The following NLGN1 variants were observed in gnomAD, a reference collection of about 807,000 sequenced individuals.
NLGN1 encodes the protein neuroligin 1.
A neutral mutation model predicts 65.5 loss-of-function variants in NLGN1; 12 were observed. The observed-to-expected ratio is 0.18, with a 90% CI of 0.12 to 0.30. NLGN1 has a LOEUF of 0.30. NLGN1 is among the 10% of genes least tolerant of loss of function. NLGN1 has a pLI of 1.00. For synonymous variants in NLGN1, 350 were observed against 359.5 expected (o/e 0.97, Z 0.30); for missense variants, 750 against 1,007.1 (o/e 0.74, Z 3.46).
chr3:173,864,587 C>A (rs993516964), intron 4 of NLGN1, among the ~76,000 whole-genome samples: 1 of 152,120 alleles, frequency 6.6e-6, no homozygotes. Flanking sequence ...CAAAAACATT[C>A]TTAATTTTGC....
intron 3 of NLGN1, among the ~76,000 whole-genome samples, chr3:173,799,170 C>T (rs995697880): frequency 9.2e-5 from 14 of 151,814 alleles, no homozygotes; most frequent in African/African-American, 3.4e-4. Context: ...CTCTTGCTTA[C>T]TGCTATGTGA....
intron 2 of NLGN1, among the ~76,000 whole-genome samples, chr3:173,461,568 G>A (rs909158756): frequency 2.6e-5 from 4 of 152,028 alleles, no homozygotes; most frequent in African/African-American, 4.8e-5. Flanking sequence ...GTACATATAT[G>A]AGAAATAGAA....
At chr3:173,497,388 C>CAAAAAAAA (rs1456835401) in intron 2 of NLGN1, among the ~76,000 whole-genome samples, 1 of 140,054 alleles carries the variant, frequency 7.1e-6, no homozygotes, top group Non-Finnish European at 1.6e-5. Flanking sequence ...AACTCCATCT[C>CAAAAAAAA]AAAATAAATA....
chr3:173,816,312 A>G (rs1170032139), intron 4 of NLGN1, among the ~76,000 whole-genome samples: 2 of 152,168 alleles, frequency 1.3e-5, no homozygotes, highest in African/African-American at 4.8e-5. Flanking sequence ...ATGAGGTAGC[A>G]TTGTTAGTTT....
intron 2 of NLGN1, among the ~76,000 whole-genome samples, chr3:173,486,440 C>CA (rs1477892125): frequency 2.0e-5 from 3 of 151,994 alleles, no homozygotes; most frequent in Non-Finnish European, 2.9e-5. Context: ...GTTCATGGCA[C>CA]AAAAAACGCT....
chr3:174,175,928 T>C (rs1729368492), intron 4 of NLGN1, among the ~76,000 whole-genome samples: 1 of 152,052 alleles, frequency 6.6e-6, no homozygotes, highest in East Asian at 1.9e-4. Flanking sequence ...TATTTCTCTC[T>C]TCACATTTAT....
At chr3:173,442,284 G>T (rs1054344523) in intron 2 of NLGN1, among the ~76,000 whole-genome samples, 1 of 152,120 alleles carries the variant, frequency 6.6e-6, no homozygotes, top group African/African-American at 2.4e-5. Flanking sequence ...CGTGTATAAA[G>T]AGTATTGAGT....
intron 4 of NLGN1, among the ~76,000 whole-genome samples, chr3:174,187,218 G>A (rs571522167): frequency 6.6e-6 from 1 of 151,954 alleles, no homozygotes; most frequent in Admixed American, 6.6e-5. Flanking sequence ...GGGTCCTACT[G>A]TAGAGCATAT....
intron 3 of NLGN1, among the ~76,000 whole-genome samples, chr3:173,764,267 C>T (rs1036798330): frequency 2.6e-5 from 4 of 152,098 alleles, no homozygotes; most frequent in Non-Finnish European, 5.9e-5. Flanking sequence ...GGCATCTTAA[C>T]TGACCTGGAA....
At chr3:173,935,377 GAATT>G (rs1187661437) in intron 4 of NLGN1, among the ~76,000 whole-genome samples, 1 of 151,942 alleles carries the variant, frequency 6.6e-6, no homozygotes, top group Non-Finnish European at 1.5e-5. Flanking sequence ...CTTGTAATGA[GAATT>G]AATAAAGTCT....
rs142259523 is a variant in NLGN1 at position 173,432,448 on chromosome 3, G to A, written c.-389-2562G>A. Among the ~76,000 whole-genome samples the A allele has an allele frequency of 7.6e-3, 1,161 of 152,248 alleles. 8 individuals are homozygous for A. The highest frequency in any genetic ancestry group is 0.012 in the Non-Finnish European group (791 of 68,014). On this transcript the variant is annotated intron_variant, in intron 1 of 6. Transcript: ENST00000457714. The stretch of plus-strand genomic sequence containing the variant: ...ATAGCCGTGTAGAAGTACCTCGTTA[G>A]TGTTTTAAGTTGCATTTCTCTAATG...
rs1321050717 is a variant in NLGN1 at position 174,150,962 on chromosome 3, T to C, written c.647-124353T>C. Reference sequence around the variant, plus strand: ...TACTCTATCTAGCAGGCCATTTGTCTTAATAGCATTTTTCTCATTGTGGAC... The same window carrying C: ...TACTCTATCTAGCAGGCCATTTGTCCTAATAGCATTTTTCTCATTGTGGAC... On this transcript the variant is annotated intron_variant, in intron 4 of 6. Coordinates refer to ENST00000457714, the Ensembl canonical transcript of NLGN1. 1.3e-5 allele frequency among the ~76,000 whole-genome samples: 2 copies of C among 152,096 alleles called. 1 individual carries two copies. The highest frequency in any genetic ancestry group is 4.8e-5 in the African/African-American group (2 of 41,438).
intron 3 of NLGN1, among the ~76,000 whole-genome samples, chr3:173,743,673 G>A (rs1441617885): frequency 2.0e-5 from 3 of 152,142 alleles, no homozygotes; most frequent in Admixed American, 1.3e-4. Context: ...TGAGGTTACA[G>A]GGATGAAATA....
At chr3:174,209,327 T>C (rs1418457782) in intron 4 of NLGN1, among the ~76,000 whole-genome samples, 2 of 152,212 alleles carry the variant, frequency 1.3e-5, no homozygotes, top group African/African-American at 4.8e-5. Context: ...TTCTTTCTTA[T>C]TGTATTTTAT....
intron 3 of NLGN1, among the ~76,000 whole-genome samples, chr3:173,692,011 G>T (rs1175926533): frequency 6.6e-6 from 1 of 152,010 alleles, no homozygotes; most frequent in Non-Finnish European, 1.5e-5. Context: ...GGTACACGTG[G>T]TATCTTGAAT....
rs575270130 is a variant in NLGN1, at chr3:174,214,066, G to GT, written c.647-61242dup. Among the ~76,000 whole-genome samples, 572 of 152,010 alleles carry GT rather than the reference G, an allele frequency of 3.8e-3. 2 individuals are homozygous for GT. Among genetic ancestry groups the GT allele is most frequent in the Non-Finnish European group, 3.7e-3 (248 of 67,936 alleles). On this transcript the variant is annotated intron_variant, in intron 4 of 6. Coordinates refer to ENST00000457714, the Ensembl canonical transcript of NLGN1. The stretch of plus-strand genomic sequence containing the variant: ...AAAGAATTTTGACTTACCGTAAGGG[G>GT]TTTTTTTGATGTTACTCTGAGGGTA...
At chr3:174,069,943 A>G (rs996630543) in intron 4 of NLGN1, among the ~76,000 whole-genome samples, 1 of 152,220 alleles carries the variant, frequency 6.6e-6, no homozygotes, top group African/African-American at 2.4e-5. Context: ...TCTGTAAAAT[A>G]GAAACAGTAA....
intron 4 of NLGN1, among the ~76,000 whole-genome samples, chr3:173,986,403 A>G (rs1328875639): frequency 6.6e-6 from 1 of 152,124 alleles, no homozygotes; most frequent in Non-Finnish European, 1.5e-5. Flanking sequence ...CAGGAGGCAG[A>G]GGTTGCAGTG....
intron 4 of NLGN1, among the ~76,000 whole-genome samples, chr3:173,976,287 TAAC>T (rs982252560): frequency 6.6e-6 from 1 of 152,074 alleles, no homozygotes; most frequent in Non-Finnish European, 1.5e-5. Context: ...TCTACAGGCT[TAAC>T]AACACAGACT....
Sources: gnomAD v4.1 joint callset for allele counts (sites outside exome capture counted in the v4.1 genomes callset) on GRCh38, gnomAD v4.1.1 for gene constraint, MANE v1.5 for transcripts, NCBI Gene and HGNC (gene_info 2026-07-23, HGNC 2026-07-21) for gene names.